BANK1: variants seen among roughly 807,000 people sequenced by gnomAD.
The protein encoded by BANK1 is B-cell scaffold protein with ankyrin repeats.
A neutral mutation model predicts 94.5 loss-of-function variants in BANK1; 95 were observed. That is an observed-to-expected ratio of 1.00 (90% CI 0.85 to 1.19). BANK1 has a LOEUF of 1.19. BANK1 is among the 50% of genes most tolerant of loss of function. The probability of loss-of-function intolerance (pLI) is 0.00; values close to 1 mark genes in which losing one functional copy is unlikely to be tolerated. For synonymous variants in BANK1, 334 were observed against 308.4 expected (o/e 1.08, Z -0.87); for missense variants, 987 against 932.2 (o/e 1.06, Z -0.77).
Position 102,030,078 on chromosome 4 carries a change from G to C in BANK1, c.1713G>C (p.Gln571His). 1 of 1,613,916 alleles carries C rather than the reference G, an allele frequency of 6.2e-7. No homozygotes were observed. Among genetic ancestry groups the C allele is most frequent in the African/African-American group, 1.3e-5 (1 of 75,024 alleles). ...AGAAGAAAGAAGAGGAAAAAGAGCA[G>C]GAGGAGGAAGAAGACCCATATACTT... ...EKEKKEEEKE[Q>H]EEEEDPYTFA... Residue 571 changes from glutamine to histidine, a missense_variant, in exon 10 of 17, where the codon CAG (glutamine) becomes CAC (histidine). Transcript: ENST00000322953.
chr4:101,963,713 A>G (rs967823472), intron 7 of BANK1, among the ~76,000 whole-genome samples: 3 of 152,160 alleles, frequency 2.0e-5, no homozygotes, highest in African/African-American at 7.2e-5. Flanking sequence ...CCATAAGCAC[A>G]ACAGAAACAA....
intron 1 of BANK1, among the ~76,000 whole-genome samples, chr4:101,813,453 A>T (rs1357026068): frequency 6.6e-6 from 1 of 152,208 alleles, no homozygotes; most frequent in African/African-American, 2.4e-5. Flanking sequence ...CTGTCAGTAT[A>T]AAAAAGCCAC....
chr4:102,026,010 G>A (rs1312513528), intron 9 of BANK1, among the ~76,000 whole-genome samples: 5 of 152,190 alleles, frequency 3.3e-5, no homozygotes, highest in African/African-American at 1.2e-4. Flanking sequence ...GTAGCTGTGG[G>A]AGAATTAAGC....
At chr4:101,831,384 C>T (rs1726613974) in intron 2 of BANK1, among the ~76,000 whole-genome samples, 1 of 152,206 alleles carries the variant, frequency 6.6e-6, no homozygotes, top group African/African-American at 2.4e-5. Flanking sequence ...TCTCACTATA[C>T]TTCTTCCCTG....
chr4:101,828,943 A>T (rs1578341259), intron 1 of BANK1, among the ~76,000 whole-genome samples: 1 of 152,010 alleles, frequency 6.6e-6, no homozygotes, highest in East Asian at 1.9e-4. Context: ...GCTCACTGCA[A>T]ACTCCGCCTC....
chr4:101,796,133 A>T (rs76228762), intron 1 of BANK1, among the ~76,000 whole-genome samples: 1,778 of 152,338 alleles, frequency 0.012, 36 homozygotes, highest in African/African-American at 0.04. Context: ...CCTCATGTTT[A>T]AGATGCATAA....
At chr4:101,986,899 G>GTGTGTGTGTGTGTGTATATA (rs1343197093) in intron 7 of BANK1, among the ~76,000 whole-genome samples, 1 of 82,670 alleles carries the variant, frequency 1.2e-5, no homozygotes, top group African/African-American at 6.4e-5. Context: ...GTGTGTGTGT[G>GTGTGTGTGTGTGTGTATATA]TATATATATA....
chr4:102,010,039 G>A (rs1272220356), intron 7 of BANK1, among the ~76,000 whole-genome samples: 1 of 152,136 alleles, frequency 6.6e-6, no homozygotes, highest in East Asian at 1.9e-4. Flanking sequence ...GGCTAAGGTG[G>A]GCAGATCACG....
At chr4:101,830,935 T>C (rs1440968161) in intron 2 of BANK1, among the ~76,000 whole-genome samples, 2 of 152,136 alleles carry the variant, frequency 1.3e-5, no homozygotes, top group Non-Finnish European at 2.9e-5. Context: ...TTGGAGCAAA[T>C]TTCTGAGTTT....
intron 10 of BANK1, among the ~76,000 whole-genome samples, chr4:102,040,684 A>T (rs1389827317): frequency 6.6e-6 from 1 of 152,066 alleles, no homozygotes; most frequent in Non-Finnish European, 1.5e-5. Context: ...TGTTAGTCTA[A>T]GCCCCCCAGG....
At chr4:102,027,138 T>C (rs1727132316) in intron 9 of BANK1, among the ~76,000 whole-genome samples, 2 of 152,196 alleles carry the variant, frequency 1.3e-5, no homozygotes, top group Admixed American at 1.3e-4. Context: ...AATTCTGGCA[T>C]ATTTTTCTCA....
chr4:101,920,497 A>C (rs570534262), intron 7 of BANK1, among the ~76,000 whole-genome samples: 1 of 151,966 alleles, frequency 6.6e-6, no homozygotes, highest in African/African-American at 2.4e-5. Flanking sequence ...AAAAGCCTCT[A>C]TATCACTTCA....
intron 6 of BANK1, among the ~76,000 whole-genome samples, chr4:101,916,229 A>G (rs1258185405): frequency 6.6e-6 from 1 of 152,046 alleles, no homozygotes; most frequent in Non-Finnish European, 1.5e-5. Context: ...ATGAATTCTT[A>G]AGAACCACAG....
chr4:101,933,440 C>T (rs907952177), intron 7 of BANK1, among the ~76,000 whole-genome samples: 1 of 151,472 alleles, frequency 6.6e-6, no homozygotes, highest in African/African-American at 2.4e-5. Flanking sequence ...CCACTGGCAC[C>T]TTCTGCCCAT....
At chr4:102,014,400 G>A (rs1011705613) in intron 7 of BANK1, among the ~76,000 whole-genome samples, 1 of 152,020 alleles carries the variant, frequency 6.6e-6, no homozygotes, top group Non-Finnish European at 1.5e-5. Flanking sequence ...ACCAACTCAT[G>A]TACTGTCTGT....
In BANK1 at chr4:101,986,897, G is replaced by GTATATATATA. The variant is rs1377407537; in HGVS notation, c.1207-34616_1207-34615insATATATATAT. Among the ~76,000 whole-genome samples, 393 of 58,014 alleles carry GTATATATATA rather than the reference G, an allele frequency of 6.8e-3. 23 individuals are homozygous for GTATATATATA. The highest frequency in any genetic ancestry group is 0.017 in the South Asian group (24 of 1,388). 38.1% of individuals were successfully genotyped at this position (58,014 alleles called of 152,430 possible). On this transcript the variant is annotated intron_variant, in intron 7 of 16. Transcript: ENST00000322953. ...TATGTGTGTGTGTGTGTGTGTGTGT[G>GTATATATATA]TGTATATATATATATATATATATAT...
intron 6 of BANK1, among the ~76,000 whole-genome samples, chr4:101,895,786 T>A (rs1011433823): frequency 2.0e-5 from 3 of 151,868 alleles, no homozygotes; most frequent in Admixed American, 1.3e-4. Flanking sequence ...TTCATACATC[T>A]ATTAACGTGA....
At chr4:101,971,133 G>A (rs932806194) in intron 7 of BANK1, among the ~76,000 whole-genome samples, 6 of 152,024 alleles carry the variant, frequency 3.9e-5, no homozygotes, top group Admixed American at 2.6e-4. Context: ...GATAAACTTC[G>A]AGCTTTCTCA....
intron 7 of BANK1, among the ~76,000 whole-genome samples, chr4:102,002,364 G>GAA (rs34921784): frequency 2.8e-5 from 4 of 141,478 alleles, no homozygotes; most frequent in Admixed American, 1.4e-4. Context: ...TTCCTTTGTG[G>GAA]AAAAAAAAAA....
Sources: gnomAD v4.1 joint callset for allele counts (sites outside exome capture counted in the v4.1 genomes callset) on GRCh38, gnomAD v4.1.1 for gene constraint, MANE v1.5 for transcripts, NCBI Gene and HGNC (gene_info 2026-07-23, HGNC 2026-07-21) for gene names.